PVT1: variants seen among roughly 807,000 people sequenced by gnomAD.
PVT1 encodes the protein Pvt1 oncogene, also known as CXCR4/PVT1 fusion.
intron 3 of PVT1, among the ~76,000 whole-genome samples, chr8:127,980,916 C>A (rs1254345039): frequency 6.6e-6 from 1 of 151,544 alleles, no homozygotes; most frequent in Non-Finnish European, 1.5e-5. Flanking sequence ...CTTGCCTCAG[C>A]CTCTTGAGTA....
At chr8:127,918,663 C>T (rs959899311) in intron 3 of PVT1, among the ~76,000 whole-genome samples, 2 of 152,294 alleles carry the variant, frequency 1.3e-5, no homozygotes, top group Non-Finnish European at 2.9e-5. Context: ...CACTTTGCTC[C>T]TGACATCCAT....
intron 5 of PVT1, among the ~76,000 whole-genome samples, chr8:128,073,343 C>T (rs893297371): frequency 8.5e-5 from 13 of 152,072 alleles, no homozygotes; most frequent in Admixed American, 5.9e-4. Flanking sequence ...TAACTGACCC[C>T]GTTCTCCCTC....
chr8:127,877,091 T>A (rs980821734), intron 2 of PVT1, among the ~76,000 whole-genome samples: 1 of 152,116 alleles, frequency 6.6e-6, no homozygotes, highest in Non-Finnish European at 1.5e-5. Flanking sequence ...TTTAGCAGAG[T>A]GGCGTGGTGG....
At chr8:127,921,854 GTTTTTTTTTT>G (rs71300279) in intron 3 of PVT1, among the ~76,000 whole-genome samples, 1 of 71,906 alleles carries the variant, frequency 1.4e-5, no homozygotes, top group Non-Finnish European at 2.3e-5. Flanking sequence ...TTTGGTTCAT[GTTTTTTTTTT>G]TTTTTTTTTT....
intron 3 of PVT1, among the ~76,000 whole-genome samples, chr8:127,981,230 G>A (rs1816879802): frequency 6.6e-6 from 1 of 152,224 alleles, no homozygotes; most frequent in Non-Finnish European, 1.5e-5. Context: ...AGGAGAACTA[G>A]AGATTGCTTG....
At chr8:127,888,599 G>C (rs779853483) in intron 2 of PVT1, among the ~76,000 whole-genome samples, 9 of 152,210 alleles carry the variant, frequency 5.9e-5, no homozygotes, top group Admixed American at 5.9e-4. Context: ...AATCACATGC[G>C]TCCTTAGGAG....
chr8:127,862,649 T>C (rs372014005), intron 2 of PVT1, among the ~76,000 whole-genome samples: 2 of 152,124 alleles, frequency 1.3e-5, no homozygotes, highest in East Asian at 3.9e-4. Context: ...CTCAAACTCC[T>C]GGCCTCGGGC....
chr8:128,073,130 G>A (rs1244671327), intron 5 of PVT1, among the ~76,000 whole-genome samples: 1 of 151,954 alleles, frequency 6.6e-6, no homozygotes, highest in Non-Finnish European at 1.5e-5. Context: ...ACCGCACCCG[G>A]CCCACCTGAG....
chr8:127,948,756 A>G (rs181822698), intron 3 of PVT1: 2 of 152,182 alleles, frequency 1.3e-5, no homozygotes, highest in East Asian at 1.9e-4. Context: ...AGAAGAAACA[A>G]CTCTGACCAC....
intron 4 of PVT1, among the ~76,000 whole-genome samples, chr8:128,020,555 C>T (rs1325452715): frequency 6.6e-6 from 1 of 152,184 alleles, no homozygotes; most frequent in Non-Finnish European, 1.5e-5. Flanking sequence ...CGCCGGCCTA[C>T]AGCTGCAGGG....
intron 3 of PVT1, among the ~76,000 whole-genome samples, chr8:127,920,429 A>G (rs1478958973): frequency 6.6e-6 from 1 of 152,232 alleles, no homozygotes; most frequent in Admixed American, 6.5e-5. Flanking sequence ...TACCTTGGGC[A>G]AGTTAATTAA....
At chr8:127,824,223 T>C (rs1416271855) in intron 2 of PVT1, among the ~76,000 whole-genome samples, 2 of 152,206 alleles carry the variant, frequency 1.3e-5, no homozygotes, top group African/African-American at 4.8e-5. Context: ...AGTAGTTGCA[T>C]TTTAAACTCT....
intron 4 of PVT1, among the ~76,000 whole-genome samples, chr8:128,035,346 C>T (rs1813449082): frequency 6.6e-6 from 1 of 152,184 alleles, no homozygotes; most frequent in Non-Finnish European, 1.5e-5. Flanking sequence ...GTGCTGACTC[C>T]TTGCAATTTC....
intron 3 of PVT1, chr8:127,939,756 G>A (rs1816325609): frequency 6.6e-6 from 1 of 152,206 alleles, no homozygotes; most frequent in Non-Finnish European, 1.5e-5. Flanking sequence ...AGACCTAAGG[G>A]TCTGTACATT....
chr8:128,058,473 ATATACT>A (rs1302580623), intron 4 of PVT1, among the ~76,000 whole-genome samples: 2 of 152,026 alleles, frequency 1.3e-5, no homozygotes, highest in Non-Finnish European at 2.9e-5. Flanking sequence ...TACATGATAA[ATATACT>A]TTGACATCAT....
intron 2 of PVT1, among the ~76,000 whole-genome samples, chr8:127,820,130 C>A (rs1053355834): frequency 6.6e-6 from 1 of 152,134 alleles, no homozygotes; most frequent in African/African-American, 2.4e-5. Context: ...TCAAGGCCAG[C>A]GGTCCAGCAC....
At chr8:127,839,509 C>G (rs1586401373) in intron 2 of PVT1, among the ~76,000 whole-genome samples, 1 of 147,936 alleles carries the variant, frequency 6.8e-6, no homozygotes, top group East Asian at 2.0e-4. Context: ...GTGATTGTGC[C>G]ACTGCACTCC....
At position 128,060,305 on chromosome 8, in the gene PVT1, GCT is replaced by G. The variant is rs35426201; in HGVS notation, n.913-9851_913-9850del. On this transcript the variant is annotated intron_variant and non_coding_transcript_variant, in intron 4 of 10. Transcript: ENST00000651587. ...CGTTGGCCTCAAAGTTCTTGGTCTC[GCT>G]CTCATGATGAGCTCCTTCCACCACT... Among the ~76,000 whole-genome samples the G allele has an allele frequency of 7.4e-4, 113 of 152,202 alleles. 1 individual carries two copies. In the East Asian group the frequency reaches 0.021, roughly 28 times the overall value.
chr8:127,977,642 G>A (rs1213713815), intron 3 of PVT1, among the ~76,000 whole-genome samples: 7 of 152,140 alleles, frequency 4.6e-5, no homozygotes, highest in Admixed American at 1.3e-4. Flanking sequence ...GGCTGAGGCT[G>A]GAGAATTTCT....
Sources: allele counts gnomAD v4.1 joint callset (sites outside exome capture counted in the v4.1 genomes callset), GRCh38; gene constraint gnomAD v4.1.1; transcripts MANE v1.5; gene names NCBI Gene and HGNC (gene_info 2026-07-23, HGNC 2026-07-21).